FGF14: variants seen among roughly 807,000 people sequenced by gnomAD.
FGF14 encodes fibroblast growth factor 14.
A neutral mutation model predicts 25.5 loss-of-function variants in FGF14; 5 were observed. The observed-to-expected ratio is 0.20, with a 90% CI of 0.10 to 0.41. The LOEUF (loss-of-function observed/expected upper bound fraction) is 0.41, where lower values mean the gene tolerates loss of function less well. Ranked by LOEUF, FGF14 falls within the 10% of genes least tolerant of loss-of-function variation. The pLI, the probability that FGF14 is intolerant of heterozygous loss-of-function variation, is 1.00. For missense variants in FGF14, 222 were observed against 320.1 expected, an observed-to-expected ratio of 0.69 and a Z score of 2.34; for synonymous variants, 138 against 118.3, an observed-to-expected ratio of 1.17 and a Z score of -1.08.
At chr13:101,733,970 ATATG>A (rs1349763276) in intron 3 of FGF14, among the ~76,000 whole-genome samples, 2 of 151,834 alleles carry the variant, frequency 1.3e-5, no homozygotes, top group Non-Finnish European at 2.9e-5. Flanking sequence ...ATATTTTAAA[ATATG>A]TATTTTATAT....
chr13:102,132,495 A>T (rs1016991305), intron 1 of FGF14, among the ~76,000 whole-genome samples: 3 of 146,952 alleles, frequency 2.0e-5, no homozygotes, highest in African/African-American at 7.5e-5. Flanking sequence ...CTTAAAAGGC[A>T]TACTTTTCTT....
intron 1 of FGF14, among the ~76,000 whole-genome samples, chr13:102,067,152 T>G (rs1211681721): frequency 6.6e-6 from 1 of 152,136 alleles, no homozygotes; most frequent in African/African-American, 2.4e-5. Context: ...GCAACATATA[T>G]GTGATATTTG....
Position 102,152,738 on chromosome 13 carries a change from A to C in FGF14, c.208+248733T>G, listed in dbSNP as rs1340498144. Among the ~76,000 whole-genome samples the C allele has an allele frequency of 3.9e-5, 6 of 152,308 alleles. 1 individual carries two copies. In the South Asian group the frequency reaches 1.0e-3, roughly 26 times the overall value. On this transcript the variant is annotated intron_variant, in intron 1 of 4. Coordinates refer to the FGF14 transcript ENST00000376131. Reference sequence around the variant, plus strand: ...AGTTATGCCATGTTCCGCTTTACCTATAATTTTTACATGTTAAAAAATATA... The same window carrying C: ...AGTTATGCCATGTTCCGCTTTACCTCTAATTTTTACATGTTAAAAAATATA...
At position 101,916,686 on chromosome 13, in the gene FGF14, G is replaced by C; in HGVS notation, c.-41C>G. 6.9e-7 allele frequency: 1 copy of C among 1,459,482 alleles called. No homozygotes were observed. Among genetic ancestry groups the C allele is most frequent in the Non-Finnish European group, 9.1e-7 (1 of 1,103,760 alleles). The allele number at this position is 1,459,482 out of a possible 1,614,324, so 90.4% of individuals were successfully genotyped here. On this transcript the variant is annotated 5_prime_UTR_variant, in exon 1 of 5. Transcript: ENST00000376143. ...GGGTCCGGGGAGGGAGGGCGCGGGAGGACGGCGAGCCGGGGGCACCGGAGG... is the reference window on the plus strand; with the variant it reads ...GGGTCCGGGGAGGGAGGGCGCGGGACGACGGCGAGCCGGGGGCACCGGAGG...
At chr13:102,261,549 C>T (rs1230885311) in intron 1 of FGF14, among the ~76,000 whole-genome samples, 4 of 152,214 alleles carry the variant, frequency 2.6e-5, no homozygotes, top group African/African-American at 7.2e-5. Context: ...ATACTACCCT[C>T]TCTTTCCCAA....
At chr13:102,402,040 G>T, upstream of FGF14, 2 of 139,700 alleles carry the variant, frequency 1.4e-5, no homozygotes, top group African/African-American at 3.1e-5. Flanking sequence ...TAGCCCCTAG[G>T]AGAGAAGGAA....
At chr13:101,889,698 C>T (rs1209919009) in intron 1 of FGF14, among the ~76,000 whole-genome samples, 1 of 152,148 alleles carries the variant, frequency 6.6e-6, no homozygotes, top group Non-Finnish European at 1.5e-5. Context: ...AAACTTCTAA[C>T]ATACATTATT....
At chr13:102,232,048 T>A (rs1222511496) in intron 1 of FGF14, among the ~76,000 whole-genome samples, 2 of 152,234 alleles carry the variant, frequency 1.3e-5, no homozygotes, top group African/African-American at 4.8e-5. Flanking sequence ...TTATTTTTTC[T>A]AATCCTTATT....
At chr13:101,801,300 T>G (rs1484894700) in intron 3 of FGF14, among the ~76,000 whole-genome samples, 2 of 152,174 alleles carry the variant, frequency 1.3e-5, no homozygotes, top group Non-Finnish European at 2.9e-5. Context: ...TCTAAAACAA[T>G]TAATTATATA....
Position 102,308,760 on chromosome 13 carries a change from A to G in FGF14, c.208+92711T>C, listed in dbSNP as rs549476120. Among the ~76,000 whole-genome samples the G allele has an allele frequency of 1.9e-3, 284 of 152,146 alleles. 1 individual carries two copies. Among genetic ancestry groups the G allele is most frequent in the African/African-American group, 6.3e-3 (263 of 41,506 alleles). On this transcript the variant is annotated intron_variant, in intron 1 of 4. Coordinates refer to the FGF14 transcript ENST00000376131. ...CGATTCTGCTCTTTGAAATCTGCCA[A>G]TCTGCCCTCACACAAGAGAGTGGTT...
chr13:102,197,419 T>G (rs2049411716), intron 1 of FGF14, among the ~76,000 whole-genome samples: 1 of 152,116 alleles, frequency 6.6e-6, no homozygotes, highest in Admixed American at 6.5e-5. Flanking sequence ...CTCTTGCTTT[T>G]CCTGAGACCT....
intron 1 of FGF14, among the ~76,000 whole-genome samples, chr13:101,876,140 T>A (rs2045379182): frequency 1.3e-5 from 2 of 152,332 alleles, no homozygotes; most frequent in South Asian, 4.1e-4. Flanking sequence ...TGGTAATAGA[T>A]CCTCATTTGA....
At chr13:101,950,335 T>C (rs1039061551) in intron 1 of FGF14, among the ~76,000 whole-genome samples, 1 of 152,204 alleles carries the variant, frequency 6.6e-6, no homozygotes, top group Non-Finnish European at 1.5e-5. Flanking sequence ...ATTTTCTAGG[T>C]ATGAATAAAA....
At chr13:101,784,873 A>T (rs1157245644) in intron 3 of FGF14, among the ~76,000 whole-genome samples, 1 of 152,168 alleles carries the variant, frequency 6.6e-6, no homozygotes, top group African/African-American at 2.4e-5. Flanking sequence ...TATGGGATCA[A>T]GTGTGGCAAG....
At chr13:102,348,478 C>T (rs1288157670) in intron 1 of FGF14, among the ~76,000 whole-genome samples, 2 of 152,140 alleles carry the variant, frequency 1.3e-5, no homozygotes, top group Admixed American at 6.5e-5. Context: ...CAATTAAGGA[C>T]TACAGGAAGT....
At chr13:101,975,553 A>C (rs185991507) in intron 1 of FGF14, among the ~76,000 whole-genome samples, 1 of 152,178 alleles carries the variant, frequency 6.6e-6, no homozygotes, top group Non-Finnish European at 1.5e-5. Context: ...TTACCTGCTT[A>C]AACACAGGGC....
At chr13:101,782,001 G>A (rs2039521965) in intron 3 of FGF14, among the ~76,000 whole-genome samples, 1 of 151,970 alleles carries the variant, frequency 6.6e-6, no homozygotes, top group East Asian at 1.9e-4. Context: ...GTTCTTTTTG[G>A]TCTATGGAGA....
chr13:102,096,012 TATATA>T (rs2044381481), intron 1 of FGF14, among the ~76,000 whole-genome samples: 4 of 149,780 alleles, frequency 2.7e-5, no homozygotes, highest in African/African-American at 7.3e-5. Context: ...TATATATATA[TATATA>T]ATATATTTCT....
At chr13:102,108,430 G>A (rs1247696472) in intron 1 of FGF14, among the ~76,000 whole-genome samples, 14 of 151,342 alleles carry the variant, frequency 9.3e-5, no homozygotes, top group Admixed American at 7.2e-4. Context: ...AACAAGCAAA[G>A]GGTTAGAAAT....
Sources: gnomAD v4.1 joint callset for allele counts (sites outside exome capture counted in the v4.1 genomes callset) on GRCh38, gnomAD v4.1.1 for gene constraint, MANE v1.5 for transcripts, NCBI Gene and HGNC (gene_info 2026-07-23, HGNC 2026-07-21) for gene names.